CSMD2: variants seen among roughly 807,000 people sequenced by gnomAD.
CSMD2 encodes the protein CUB and sushi domain-containing protein 2.
CSMD2 carries 130 observed loss-of-function variants against 398.5 expected under a neutral mutation model. That is an observed-to-expected ratio of 0.33 (90% CI 0.28 to 0.38). CSMD2 has a LOEUF of 0.38. Ranked by LOEUF, CSMD2 falls within the 10% of genes least tolerant of loss-of-function variation. The pLI is 1.00. For synonymous variants in CSMD2, 1,828 were observed against 1,908.5 expected (o/e 0.96, Z 1.10); for missense variants, 3,829 against 4,764.9 (o/e 0.80, Z 5.78).
rs777690841 is a variant in CSMD2, at chr1:33,600,846, G to A, written c.6856+19C>T. The stretch of plus-strand genomic sequence containing the variant: ...TTGAAAGCCTGGCCCTTCCCACCAG[G>A]CCAGGCTTCCATACTGACCGGAGAA... On this transcript the variant is annotated intron_variant, in intron 44 of 70. Transcript: ENST00000373381. 1.9e-6 allele frequency: 3 copies of A among 1,613,862 alleles called. No homozygotes were observed. In the East Asian group the frequency reaches 6.7e-5, roughly 36 times the overall value.
At chr1:34,050,178 T>C (rs2082983) in intron 2 of CSMD2, among the ~76,000 whole-genome samples, 3 of 152,210 alleles carry the variant, frequency 2.0e-5, no homozygotes, top group Non-Finnish European at 4.4e-5. Context: ...GTACCAGAAG[T>C]GGGGTTCCCA....
chr1:33,729,626 C>T (rs544978634), intron 15 of CSMD2, among the ~76,000 whole-genome samples: 1 of 150,392 alleles, frequency 6.6e-6, no homozygotes, highest in Admixed American at 6.6e-5. Context: ...GCTATCCCTC[C>T]CCCCTCCCCC....
chr1:33,670,933 G>A (rs1312050639), intron 25 of CSMD2, among the ~76,000 whole-genome samples: 1 of 152,136 alleles, frequency 6.6e-6, no homozygotes, highest in African/African-American at 2.4e-5. Context: ...ATCTTTATAA[G>A]AGAAAAGAGA....
At chr1:34,014,400 A>C (rs1647789677) in intron 3 of CSMD2, among the ~76,000 whole-genome samples, 1 of 152,142 alleles carries the variant, frequency 6.6e-6, no homozygotes, top group Non-Finnish European at 1.5e-5. Context: ...CTCCAACTTT[A>C]TCTCTTCCTA....
intron 41 of CSMD2, among the ~76,000 whole-genome samples, chr1:33,610,510 C>T (rs983760350): frequency 1.2e-4 from 18 of 152,092 alleles, no homozygotes; most frequent in African/African-American, 2.7e-4. Context: ...TGAGTGGGGC[C>T]GGTCACGGGA....
At chr1:34,100,637 C>A (rs954616382) in intron 1 of CSMD2, among the ~76,000 whole-genome samples, 2 of 152,288 alleles carry the variant, frequency 1.3e-5, no homozygotes, top group Admixed American at 1.3e-4. Flanking sequence ...CCCTAAGATA[C>A]TGAATCTGTT....
At chr1:33,751,039 T>A (rs928587978) in intron 13 of CSMD2, among the ~76,000 whole-genome samples, 9 of 151,990 alleles carry the variant, frequency 5.9e-5, no homozygotes, top group Admixed American at 4.6e-4. Context: ...CCTTCATCTA[T>A]GAAGAATTGG....
intron 1 of CSMD2, among the ~76,000 whole-genome samples, chr1:34,145,665 C>T (rs1026868279): frequency 2.0e-5 from 3 of 152,176 alleles, no homozygotes; most frequent in East Asian, 1.9e-4. Context: ...ACTCAGAGAA[C>T]GGGAGAACAT....
chr1:33,643,933 GGAAC>G (rs993259344), intron 29 of CSMD2, among the ~76,000 whole-genome samples: 2 of 142,580 alleles, frequency 1.4e-5, no homozygotes, highest in Non-Finnish European at 3.1e-5. Context: ...AAGGAAGGAA[GGAAC>G]AAATGAAATA....
chr1:33,767,833 A>ATT (rs1650713143), intron 13 of CSMD2, among the ~76,000 whole-genome samples: 1 of 152,136 alleles, frequency 6.6e-6, no homozygotes, highest in South Asian at 2.1e-4. Context: ...CTGGCCTAGT[A>ATT]TTTTTATCCT....
At chr1:33,623,969 C>T (rs1003828415) in intron 35 of CSMD2, among the ~76,000 whole-genome samples, 2 of 152,206 alleles carry the variant, frequency 1.3e-5, no homozygotes, top group African/African-American at 4.8e-5. Context: ...CTGGCTCTTA[C>T]CCCTGGGTAC....
chr1:33,630,293 C>T (rs970165496), intron 32 of CSMD2, among the ~76,000 whole-genome samples: 7 of 152,172 alleles, frequency 4.6e-5, no homozygotes, highest in Admixed American at 2.6e-4. Context: ...TCCTGATTTA[C>T]ACTCTTGGTT....
At chr1:33,602,154 C>T (rs913171194) in intron 43 of CSMD2, among the ~76,000 whole-genome samples, 2 of 152,250 alleles carry the variant, frequency 1.3e-5, no homozygotes, top group African/African-American at 4.8e-5. Flanking sequence ...CTGGGAGCCA[C>T]TGCCCTCCCA....
chr1:33,783,371 AG>A (rs1457485749), intron 12 of CSMD2, among the ~76,000 whole-genome samples: 1 of 151,752 alleles, frequency 6.6e-6, no homozygotes, highest in African/African-American at 2.4e-5. Context: ...TCATAAGGGC[AG>A]GGCCCCGATC....
Position 33,541,202 on chromosome 1 carries a change from C to G in CSMD2, c.9385G>C (p.Glu3129Gln), listed in dbSNP as rs1402344122. 6.2e-7 allele frequency: 1 copy of G among 1,613,904 alleles called. No homozygotes were observed. Among genetic ancestry groups the G allele is most frequent in the South Asian group, 1.1e-5 (1 of 91,070 alleles). ...TYQCVPGYMM[E>Q]SHRVSVLSCT... ...CTCAGCACAGATACTCTATGTGACT[C>G]CATCATATAGCCAGGGACACACTGA... Residue 3129 changes from glutamate (E) to glutamine (Q), a missense_variant, in exon 59 of 71, where the codon GAG becomes CAG. By Grantham distance (29) the Glu-to-Gln change is conservative (BLOSUM62 2). This residue lies in a region of CSMD2 where 917 missense variants were observed against 1,199.5 expected (regional missense o/e 0.76). Coordinates refer to ENST00000373381, the MANE Select transcript of CSMD2 (RefSeq NM_001281956.2).
At chr1:33,780,256 G>A (rs1652550975) in intron 12 of CSMD2, among the ~76,000 whole-genome samples, 2 of 152,046 alleles carry the variant, frequency 1.3e-5, no homozygotes, top group African/African-American at 2.4e-5. Context: ...GGACATCTTC[G>A]GTGCATTAGG....
intron 36 of CSMD2, among the ~76,000 whole-genome samples, chr1:33,622,553 C>T (rs1641840358): frequency 6.6e-6 from 1 of 152,190 alleles, no homozygotes; most frequent in Non-Finnish European, 1.5e-5. Context: ...TCCTCATAGC[C>T]ATCTTCAGGA....
chr1:34,070,437 C>A (rs143213746), intron 2 of CSMD2, among the ~76,000 whole-genome samples: 3 of 152,208 alleles, frequency 2.0e-5, no homozygotes, highest in Admixed American at 6.5e-5. Flanking sequence ...GGAGAAAATG[C>A]TAAGAACTCA....
At chr1:33,712,875 G>A (rs956785389) in intron 21 of CSMD2, among the ~76,000 whole-genome samples, 1 of 152,212 alleles carries the variant, frequency 6.6e-6, no homozygotes, top group Non-Finnish European at 1.5e-5. Context: ...GATGGTTATA[G>A]GAGACGGAGT....
Sources: gnomAD v4.1 joint callset for allele counts (sites outside exome capture counted in the v4.1 genomes callset) on GRCh38, gnomAD v4.1.1 for gene constraint, gnomAD v4.1.1 regional missense constraint, MANE v1.5 for transcripts, NCBI Gene and HGNC (gene_info 2026-07-23, HGNC 2026-07-21) for gene names.